The following SVEP1 variants were observed in gnomAD, a reference collection of about 807,000 sequenced individuals.
The protein encoded by SVEP1 is sushi, von Willebrand factor type A, EGF and pentraxin domain-containing protein 1.
Under a neutral mutation model 367.3 loss-of-function variants are expected in SVEP1, and 164 were observed. The ratio of observed to expected loss-of-function variants is 0.45; its 90% CI spans 0.39 to 0.51. The LOEUF (loss-of-function observed/expected upper bound fraction) is 0.51, where lower values mean the gene tolerates loss of function less well. SVEP1 is among the 20% of genes least tolerant of loss of function. The probability of loss-of-function intolerance (pLI) is 0.00; values close to 1 mark genes in which losing one functional copy is unlikely to be tolerated. For missense variants in SVEP1, 4,117 were observed against 4,425.3 expected (o/e 0.93, Z 1.98); for synonymous variants, 1,666 against 1,611.6 (o/e 1.03, Z -0.81).
At chr9:110,435,881 G>A (rs1441279871) in intron 28 of SVEP1, among the ~76,000 whole-genome samples, 2 of 152,126 alleles carry the variant, frequency 1.3e-5, no homozygotes, top group African/African-American at 4.8e-5. Context: ...TAAGAAAACT[G>A]AAACTCAGTG....
intron 3 of SVEP1, among the ~76,000 whole-genome samples, chr9:110,541,635 CT>C (rs1442367921): frequency 4.0e-5 from 6 of 151,878 alleles, no homozygotes; most frequent in East Asian, 1.9e-4. Context: ...AAATCCGCCC[CT>C]GGTTGAGAAT....
chr9:110,555,053 G>T (rs749318262), intron 1 of SVEP1, among the ~76,000 whole-genome samples: 39 of 152,222 alleles, frequency 2.6e-4, no homozygotes, highest in Non-Finnish European at 4.3e-4. Flanking sequence ...TAATAAACTT[G>T]CTTTCTGTCT....
chr9:110,503,114 C>T lies in SVEP1; in HGVS notation c.1407G>A (p.Gly469=), dbSNP rs746283453. 1.2e-6 allele frequency: 2 copies of T among 1,612,406 alleles called. No individual in the cohort carries two copies. The highest frequency in any genetic ancestry group is 1.7e-5 in the Admixed American group (1 of 59,876). ...GCTTATCACTGCCTTCTAGTCTGTA[C>T]CCTTCATCACAGGCAACCAAACATG... is the stretch of plus-strand genomic sequence containing the variant. ...KTTCLVACDE[G]YRLEGSDKLT... The change falls in exon 6 of 48, where the codon GGG becomes GGA. Residue 469 remains glycine, a synonymous_variant. Coordinates refer to ENST00000374469, the MANE Select transcript of SVEP1 (RefSeq NM_153366.4).
chr9:110,414,737 C>T (rs1828092511), intron 36 of SVEP1, among the ~76,000 whole-genome samples: 1 of 151,738 alleles, frequency 6.6e-6, no homozygotes, highest in Admixed American at 6.6e-5. Context: ...CTCCCAAATG[C>T]ATTATTAGCT....
chr9:110,416,009 A>G (rs1828115098), intron 36 of SVEP1, among the ~76,000 whole-genome samples: 1 of 151,954 alleles, frequency 6.6e-6, no homozygotes. Context: ...ATTAATGTAA[A>G]ATTAGGTTCT....
intron 18 of SVEP1, among the ~76,000 whole-genome samples, chr9:110,460,889 T>C (rs924860830): frequency 2.0e-5 from 3 of 152,268 alleles, no homozygotes; most frequent in Non-Finnish European, 4.4e-5. Flanking sequence ...AGCTTTATTA[T>C]GACTAACTTA....
chr9:110,483,816 G>A, intron 9 of SVEP1, 123 bp from the exon 10 acceptor site: 1 of 559,552 alleles, frequency 1.8e-6, no homozygotes, highest in East Asian at 3.4e-5. Context: ...AAGAAACAAG[G>A]CTGACTCTGT....
At chr9:110,436,733 A>T (rs1233805622) in intron 27 of SVEP1, among the ~76,000 whole-genome samples, 2 of 152,232 alleles carry the variant, frequency 1.3e-5, no homozygotes, top group African/African-American at 4.8e-5. Flanking sequence ...TAAACCTGTA[A>T]CTACAAAAAC....
At chr9:110,385,858 C>T (rs767599676) in intron 43 of SVEP1, 40 bp downstream of exon 43, 23 of 1,583,778 alleles carry the variant, frequency 1.5e-5, no homozygotes, top group Middle Eastern at 1.8e-4. Context: ...GAAAACATTT[C>T]GCACTAGCGG....
At chr9:110,467,191 G>A (rs879931116) in intron 17 of SVEP1, among the ~76,000 whole-genome samples, 2 of 152,084 alleles carry the variant, frequency 1.3e-5, no homozygotes, top group African/African-American at 2.4e-5. Flanking sequence ...GAGAGAAAAC[G>A]TTTCCATCAG....
chr9:110,463,728 A>C (rs561277555), intron 18 of SVEP1, among the ~76,000 whole-genome samples: 2 of 152,128 alleles, frequency 1.3e-5, no homozygotes, highest in African/African-American at 2.4e-5. Flanking sequence ...AAGAGAAAGA[A>C]AGACAAAAGC....
At chr9:110,519,665 T>C (rs945496744) in intron 3 of SVEP1, among the ~76,000 whole-genome samples, 3 of 152,190 alleles carry the variant, frequency 2.0e-5, no homozygotes, top group Non-Finnish European at 4.4e-5. Flanking sequence ...TTGCCTGAGC[T>C]GGCAGTCACT....
In SVEP1 at chr9:110,411,387, C is replaced by G. The variant is rs753143943; in HGVS notation, c.6324G>C (p.Val2108=). ...CAAAGCCTTCCATGCATTTAAAGCT[C>G]ACAACTGAGCCAGCTGCAAATTTTG... ...SKAKFAAGSV[V]SFKCMEGFVL... Residue 2108 remains valine, a synonymous_variant, in exon 37 of 48, where the codon GTG becomes GTC. Coordinates refer to ENST00000374469, the MANE Select transcript of SVEP1 (RefSeq NM_153366.4). 8.1e-6 allele frequency: 13 copies of G among 1,613,994 alleles called. No individual in the cohort carries two copies. In the South Asian group the frequency reaches 1.4e-4, roughly 18 times the overall value.
rs1470730618 is a variant in SVEP1, at chr9:110,396,084, C to T, written c.9822+4770G>A. ...AGCACCACACCTATTCCAAAACTGA[C>T]GACACAGTTGGAAATAAAGCACTCC... is the stretch of plus-strand genomic sequence containing the variant. On this transcript the variant is annotated intron_variant, in intron 40 of 47. Transcript: ENST00000374469. Among the ~76,000 whole-genome samples the T allele has an allele frequency of 1.3e-4, 20 of 152,224 alleles. 1 individual carries two copies. Among genetic ancestry groups the T allele is most frequent in the East Asian group, 1.2e-3 (6 of 5,178 alleles).
chr9:110,531,593 C>A (rs921677249), intron 3 of SVEP1, among the ~76,000 whole-genome samples: 1 of 152,138 alleles, frequency 6.6e-6, no homozygotes, highest in Non-Finnish European at 1.5e-5. Context: ...GAGGCCTCCC[C>A]AGCCCTGCAG....
chr9:110,368,014 G>A (rs1429114664), intron 47 of SVEP1, among the ~76,000 whole-genome samples: 1 of 152,176 alleles, frequency 6.6e-6, no homozygotes, highest in Non-Finnish European at 1.5e-5. Flanking sequence ...TGAGGTGGAG[G>A]TTGCAGTAAG....
intron 31 of SVEP1, 93 bp downstream of exon 31, chr9:110,432,369 A>G: frequency 6.8e-7 from 1 of 1,462,092 alleles, no homozygotes; most frequent in South Asian, 1.4e-5. Flanking sequence ...TAAAGTTAAC[A>G]AAGCAATGCC....
At position 110,528,156 on chromosome 9, in the gene SVEP1, G is replaced by GTGTGTGTATATATATATATA; in HGVS notation, c.965-14051_965-14050insTATATATATATATACACACA. On this transcript the variant is annotated intron_variant, in intron 3 of 47. Transcript: ENST00000374469. ...CGTGTGTGTGTGTGTGTGTGTGTGT[G>GTGTGTGTATATATATATATA]TATATATATATATATATATATATAT... Among the ~76,000 whole-genome samples the GTGTGTGTATATATATATATA allele has an allele frequency of 5.7e-3, 194 of 33,872 alleles. 1 individual carries two copies. Among genetic ancestry groups the GTGTGTGTATATATATATATA allele is most frequent in the South Asian group, 6.8e-3 (7 of 1,028 alleles). The allele number at this position is 33,872 out of a possible 152,430, so 22.2% of individuals were successfully genotyped here.
intron 36 of SVEP1, among the ~76,000 whole-genome samples, chr9:110,412,103 G>C (rs1455829378): frequency 6.6e-6 from 1 of 152,098 alleles, no homozygotes; most frequent in African/African-American, 2.4e-5. Flanking sequence ...TGCTACTTAA[G>C]GAACTCTAAT....
Sources: allele counts gnomAD v4.1 joint callset (sites outside exome capture counted in the v4.1 genomes callset), GRCh38; gene constraint gnomAD v4.1.1; transcripts MANE v1.5; gene names NCBI Gene and HGNC (gene_info 2026-07-23, HGNC 2026-07-21).